The following CTNND2 variants were observed in gnomAD, a reference collection of about 807,000 sequenced individuals.
The protein encoded by CTNND2 is catenin delta-2.
Under a neutral mutation model 144.4 loss-of-function variants are expected in CTNND2, and 22 were observed. That is an observed-to-expected ratio of 0.15 (90% CI 0.11 to 0.22). The LOEUF (loss-of-function observed/expected upper bound fraction) is 0.22, where lower values mean the gene tolerates loss of function less well. Among genes scored for constraint, CTNND2 ranks in the 10% least tolerant of loss-of-function variants. The pLI, the probability that CTNND2 is intolerant of heterozygous loss-of-function variation, is 1.00. For missense variants in CTNND2, 1,353 were observed against 1,618.8 expected (o/e 0.84, Z 2.82); for synonymous variants, 751 against 695.6 (o/e 1.08, Z -1.25).
chr5:11,160,831 A>G (rs141176699), intron 11 of CTNND2, among the ~76,000 whole-genome samples: 1 of 152,346 alleles, frequency 6.6e-6, no homozygotes, highest in African/African-American at 2.4e-5. Context: ...GAACATGTTT[A>G]TTTCCAAAAT....
intron 12 of CTNND2, among the ~76,000 whole-genome samples, chr5:11,146,228 A>G (rs1201237918): frequency 3.3e-5 from 5 of 152,250 alleles, no homozygotes; most frequent in Non-Finnish European, 7.3e-5. Flanking sequence ...GTTTGTGTGC[A>G]ATAAGAGATG....
chr5:11,432,121 C>CTTTTTTTT (rs5865940), intron 3 of CTNND2, among the ~76,000 whole-genome samples: 1 of 78,364 alleles, frequency 1.3e-5, no homozygotes, highest in African/African-American at 4.2e-5. Flanking sequence ...GAGGTTGAGG[C>CTTTTTTTT]TTTTTTTTTT....
chr5:11,169,107 C>A (rs943695298), intron 11 of CTNND2, among the ~76,000 whole-genome samples: 1 of 152,068 alleles, frequency 6.6e-6, no homozygotes, highest in Admixed American at 6.5e-5. Context: ...ATTTCAAGAC[C>A]CTCCCCTCAC....
chr5:11,472,158 G>A (rs1004706949), intron 3 of CTNND2, among the ~76,000 whole-genome samples: 3 of 151,884 alleles, frequency 2.0e-5, no homozygotes, highest in Middle Eastern at 3.2e-3. Flanking sequence ...TTTTTTGGGG[G>A]GGATCCTCAC....
At chr5:11,765,367 G>A (rs967200699) in intron 1 of CTNND2, among the ~76,000 whole-genome samples, 35 of 152,282 alleles carry the variant, frequency 2.3e-4, no homozygotes, top group African/African-American at 8.2e-4. Context: ...GACCTGGGCA[G>A]AGGCAGTCAT....
At chr5:11,538,482 T>C (rs889644326) in intron 3 of CTNND2, among the ~76,000 whole-genome samples, 3 of 152,208 alleles carry the variant, frequency 2.0e-5, no homozygotes, top group South Asian at 2.1e-4. Flanking sequence ...GAATGCTGTA[T>C]ACACAGGGCA....
Position 11,258,956 on chromosome 5 carries a change from C to A in CTNND2, c.1629-22133G>T, listed in dbSNP as rs569931291. Among the ~76,000 whole-genome samples, 225 of 152,276 alleles carry A rather than the reference C, an allele frequency of 1.5e-3. 1 individual carries two copies. Among genetic ancestry groups the A allele is most frequent in the South Asian group, 3.3e-3 (16 of 4,822 alleles). The stretch of plus-strand genomic sequence containing the variant: ...ATCCCCAATACATGAATCAGTGTAT[C>A]CTTTTTGTAGGTCATGCTCTGTTTG... On this transcript the variant is annotated intron_variant, in intron 9 of 21. Transcript: ENST00000304623.
At chr5:11,671,537 C>A (rs1783873071) in intron 2 of CTNND2, among the ~76,000 whole-genome samples, 1 of 151,666 alleles carries the variant, frequency 6.6e-6, no homozygotes, top group African/African-American at 2.4e-5. Flanking sequence ...GATCTTCAAT[C>A]TCTGATATCC....
chr5:11,686,629 T>A (rs188934817), intron 2 of CTNND2, among the ~76,000 whole-genome samples: 1 of 152,046 alleles, frequency 6.6e-6, no homozygotes, highest in East Asian at 1.9e-4. Flanking sequence ...TGCTGATGAA[T>A]AGTAGAAGGA....
chr5:11,114,566 T>C (rs1027983811), intron 13 of CTNND2, among the ~76,000 whole-genome samples: 3 of 152,182 alleles, frequency 2.0e-5, no homozygotes, highest in Non-Finnish European at 4.4e-5. Context: ...TGGCAGCCGG[T>C]AGCTTTGCTT....
intron 9 of CTNND2, among the ~76,000 whole-genome samples, chr5:11,264,801 T>C (rs1745274146): frequency 6.6e-6 from 1 of 151,936 alleles, no homozygotes; most frequent in South Asian, 2.1e-4. Context: ...CATGATGGAG[T>C]GTGCCTGTGG....
At chr5:11,549,614 C>T (rs1440536814) in intron 3 of CTNND2, among the ~76,000 whole-genome samples, 1 of 152,082 alleles carries the variant, frequency 6.6e-6, no homozygotes, top group Non-Finnish European at 1.5e-5. Context: ...TTCTCTATTC[C>T]CACATTACTC....
Position 11,020,879 on chromosome 5 carries a change from G to C in CTNND2, c.2999+1890C>G, listed in dbSNP as rs116424713. ...CCAGGCTGTTGGCATTGGAAAAAGA[G>C]ATAAAGGAACAACAAGACAGAATGA... On this transcript the variant is annotated intron_variant, in intron 17 of 21. Transcript: ENST00000304623. 1.8e-3 allele frequency among the ~76,000 whole-genome samples: 272 copies of C among 151,698 alleles called. 1 individual carries two copies. The highest frequency in any genetic ancestry group is 6.8e-3 in the Middle Eastern group (2 of 294).
intron 11 of CTNND2, among the ~76,000 whole-genome samples, chr5:11,168,893 T>C (rs1759620781): frequency 6.6e-6 from 1 of 151,880 alleles, no homozygotes; most frequent in Non-Finnish European, 1.5e-5. Flanking sequence ...AAAAAGTAAA[T>C]GCAGGAGGTG....
chr5:11,818,018 T>C (rs1464308752), intron 1 of CTNND2, among the ~76,000 whole-genome samples: 1 of 115,860 alleles, frequency 8.6e-6, no homozygotes, highest in African/African-American at 3.3e-5. Context: ...TTCTCCTCCA[T>C]CCAATATCAA....
chr5:11,539,077 A>G (rs1774484249), intron 3 of CTNND2, among the ~76,000 whole-genome samples: 1 of 152,164 alleles, frequency 6.6e-6, no homozygotes, highest in African/African-American at 2.4e-5. Flanking sequence ...CAAGTGTACA[A>G]TGATCACTGG....
intron 14 of CTNND2, among the ~76,000 whole-genome samples, chr5:11,102,420 A>G (rs1751989327): frequency 6.6e-6 from 1 of 152,194 alleles, no homozygotes; most frequent in South Asian, 2.1e-4. Context: ...AGAGTGTTTG[A>G]AAACTGAGTA....
At position 11,419,033 on chromosome 5, in the gene CTNND2, TAG is replaced by T. The variant is rs1299001860; in HGVS notation, c.288-6966_288-6965del. Among the ~76,000 whole-genome samples, 7 of 136,132 alleles carry T rather than the reference TAG, an allele frequency of 5.1e-5. No individual in the cohort carries two copies. In the Admixed American group the frequency reaches 5.3e-4, roughly 10 times the overall value. The allele number at this position is 136,132 out of a possible 152,430, so 89.3% of individuals were successfully genotyped here. On this transcript the variant is annotated intron_variant, in intron 3 of 21. Transcript: ENST00000304623. ...ATCTATATAGATGTCTATCTATATA[TAG>T]ATATATAGATAGACATCTATATAGA...
chr5:11,054,776 A>G (rs1431859290), intron 16 of CTNND2, among the ~76,000 whole-genome samples: 1 of 152,080 alleles, frequency 6.6e-6, no homozygotes, highest in African/African-American at 2.4e-5. Flanking sequence ...TTATTTTTCT[A>G]TATTATAATA....
Sources: allele counts gnomAD v4.1 joint callset (sites outside exome capture counted in the v4.1 genomes callset), GRCh38; gene constraint gnomAD v4.1.1; transcripts MANE v1.5; gene names NCBI Gene and HGNC (gene_info 2026-07-23, HGNC 2026-07-21).